CELF2: variants seen among roughly 807,000 people sequenced by gnomAD.
CELF2 encodes the protein CUG triplet repeat RNA-binding protein 2.
Under a neutral mutation model 62.6 loss-of-function variants are expected in CELF2, and 8 were observed. The ratio of observed to expected loss-of-function variants is 0.13; its 90% CI spans 0.07 to 0.23. The LOEUF is 0.23. Ranked by LOEUF, CELF2 falls within the 10% of genes least tolerant of loss-of-function variation. The probability of loss-of-function intolerance (pLI) is 1.00; values close to 1 mark genes in which losing one functional copy is unlikely to be tolerated. For missense variants in CELF2, 333 were observed against 671.0 expected (o/e 0.50, Z 5.56); for synonymous variants, 258 against 250.0 (o/e 1.03, Z -0.30).
chr10:10,885,428 C>T (rs2061690533), intron 1 of CELF2, among the ~76,000 whole-genome samples: 1 of 151,370 alleles, frequency 6.6e-6, no homozygotes, highest in Non-Finnish European at 1.5e-5. Context: ...AGAATCTAGG[C>T]TCCAGATTAG....
the CELF2 span, among the ~76,000 whole-genome samples, chr10:10,486,859 A>G: frequency 6.6e-6 from 1 of 152,186 alleles, no homozygotes; most frequent in Non-Finnish European, 1.5e-5. Context: ...ATGATGATGG[A>G]GAAGACTCAG....
At chr10:10,968,504 A>G (rs1485121898) in intron 2 of CELF2, among the ~76,000 whole-genome samples, 1 of 152,180 alleles carries the variant, frequency 6.6e-6, no homozygotes, top group East Asian at 1.9e-4. Flanking sequence ...CTAAAACCCA[A>G]TGAGTATTGT....
rs570615438 is a variant in CELF2 at position 10,974,751 on chromosome 10, A to G, written c.89+54752A>G. On this transcript the variant is annotated intron_variant, in intron 2 of 13. Transcript: ENST00000636488. ...CCCACCTCTCAACTATGGTATCGAAATTAAGTATATACCATCTTAGACACA... is the reference window on the plus strand; with the variant it reads ...CCCACCTCTCAACTATGGTATCGAAGTTAAGTATATACCATCTTAGACACA... 6.6e-4 allele frequency among the ~76,000 whole-genome samples: 101 copies of G among 152,344 alleles called. 2 individuals carry two copies. The South Asian group carries it at 0.021, about 31-fold the overall frequency.
At position 11,246,498 on chromosome 10, in the gene CELF2, C is replaced by T. The variant is rs531084826; in HGVS notation, c.355-2655C>T. The stretch of plus-strand genomic sequence containing the variant: ...CTCCTTTCCCCTCTACTTCCCATGA[C>T]CAGTTGTTCACTGCCCCTCCACAGA... On this transcript the variant is annotated intron_variant, in intron 3 of 12. Coordinates refer to ENST00000633077, the MANE Select transcript of CELF2 (RefSeq NM_001326342.2). The surrounding 1 kb of genome is among the most constrained non-coding windows in gnomAD (Gnocchi z 4.6). 6.6e-6 allele frequency among the ~76,000 whole-genome samples: 1 copy of T among 152,294 alleles called. No homozygotes were observed. Among genetic ancestry groups the T allele is most frequent in the Non-Finnish European group, 1.5e-5 (1 of 68,032 alleles).
the CELF2 span, among the ~76,000 whole-genome samples, chr10:10,610,814 A>G: frequency 6.6e-6 from 1 of 152,226 alleles, no homozygotes; most frequent in Non-Finnish European, 1.5e-5. Context: ...TCATTTTTAG[A>G]CCAGTTATAG....
rs1401755451 is a variant in CELF2 at position 11,206,330 on chromosome 10, T to C, written c.272-11095T>C. ...AAAATAGATGTGATTCTAACCTACC[T>C]CTCATTGCCACTAGCCTCCTAATTA... On this transcript the variant is annotated intron_variant, in intron 2 of 12. Coordinates refer to ENST00000633077, the MANE Select transcript of CELF2 (RefSeq NM_001326342.2). 1.3e-5 allele frequency among the ~76,000 whole-genome samples: 2 copies of C among 152,216 alleles called. 1 individual carries two copies. Among genetic ancestry groups the C allele is most frequent in the African/African-American group, 4.8e-5 (2 of 41,446 alleles).
chr10:10,608,507 G>A, the CELF2 span, among the ~76,000 whole-genome samples: 21,246 of 152,134 alleles, frequency 0.14, 1,801 homozygotes, highest in Non-Finnish European at 0.2. Context: ...GAACTTGTGG[G>A]CTTGGATAGC....
chr10:10,776,180 A>C, the CELF2 span: 1 of 153,356 alleles, frequency 6.5e-6, no homozygotes, highest in African/African-American at 2.4e-5. Flanking sequence ...GAAGTTCAGT[A>C]GCTGTAAAAA....
chr10:11,231,249 A>G (rs147133148), intron 3 of CELF2, among the ~76,000 whole-genome samples: 2 of 152,348 alleles, frequency 1.3e-5, no homozygotes, highest in Admixed American at 6.5e-5. Flanking sequence ...TACAACAAAC[A>G]TCCTGGATTG....
chr10:10,876,062 G>A (rs1044568934), intron 1 of CELF2, among the ~76,000 whole-genome samples: 3 of 152,188 alleles, frequency 2.0e-5, no homozygotes, highest in Non-Finnish European at 2.9e-5. Context: ...CCATCCCAAA[G>A]TGTTGTCATT....
chr10:10,978,801 C>T (rs1483017622), intron 2 of CELF2, among the ~76,000 whole-genome samples: 1 of 152,086 alleles, frequency 6.6e-6, no homozygotes, highest in African/African-American at 2.4e-5. Context: ...CTTTGAAAAC[C>T]CAGTGTCAAA....
At position 11,072,555 on chromosome 10, in the gene CELF2, A is replaced by G. The variant is rs1177375551; in HGVS notation, c.74+54392A>G. Among the ~76,000 whole-genome samples the G allele has an allele frequency of 3.9e-5, 6 of 152,320 alleles. No homozygotes were observed. The South Asian group carries it at 8.3e-4, about 21-fold the overall frequency. ...CCGTTCTTTGACAGCCTCTTTGAGC[A>G]TAAGAGACTCTGGGTAACATAGCAG... On this transcript the variant is annotated intron_variant, in intron 1 of 12. Coordinates refer to ENST00000633077, the MANE Select transcript of CELF2 (RefSeq NM_001326342.2).
In CELF2 at chr10:11,019,198, C is replaced by CTTTT. The variant is rs903018077; in HGVS notation, c.74+1035_74+1036insTTTT. Reference sequence around the variant, plus strand: ...TTTCAGGCATGTTAGGAAAAGGAAACCTAAAAAGAGAGAAAAGATTGCCAG... The same window carrying CTTTT: ...TTTCAGGCATGTTAGGAAAAGGAAACTTTTCTAAAAAGAGAGAAAAGATTGCCAG... On this transcript the variant is annotated intron_variant, in intron 1 of 12. Transcript: ENST00000633077. Among the ~76,000 whole-genome samples the CTTTT allele has an allele frequency of 2.6e-4, 39 of 152,078 alleles. 1 individual carries two copies. The highest frequency in any genetic ancestry group is 3.2e-3 in the Middle Eastern group (1 of 316).
the CELF2 span, among the ~76,000 whole-genome samples, chr10:10,558,475 A>T: frequency 6.6e-6 from 1 of 152,114 alleles, no homozygotes; most frequent in South Asian, 2.1e-4. Flanking sequence ...ATGTTCATCA[A>T]GGATATTGGC....
chr10:10,827,381 G>A (rs994152800), intron 1 of CELF2, among the ~76,000 whole-genome samples: 2 of 152,142 alleles, frequency 1.3e-5, no homozygotes, highest in East Asian at 1.9e-4. Context: ...GTCTCCTTCT[G>A]AGGATAAGTA....
intron 1 of CELF2, among the ~76,000 whole-genome samples, chr10:11,140,306 T>TC (rs1253063469): frequency 6.6e-6 from 1 of 152,166 alleles, no homozygotes; most frequent in African/African-American, 2.4e-5. Context: ...AGTAGCGCAA[T>TC]CATAGCTCAC....
At chr10:11,313,882 A>C (rs2094732234) in intron 9 of CELF2, among the ~76,000 whole-genome samples, 1 of 152,094 alleles carries the variant, frequency 6.6e-6, no homozygotes, top group African/African-American at 2.4e-5. Context: ...CTGGCAGGGC[A>C]GGCCTCCCAT....
chr10:11,169,529 A>G (rs1260866211), intron 2 of CELF2, among the ~76,000 whole-genome samples: 1 of 150,548 alleles, frequency 6.6e-6, no homozygotes, highest in Non-Finnish European at 1.5e-5. Context: ...GAATTCTCCC[A>G]CAGTTCAGAG....
the CELF2 span, among the ~76,000 whole-genome samples, chr10:10,583,315 G>T: frequency 2.0e-5 from 3 of 152,074 alleles, no homozygotes; most frequent in African/African-American, 7.2e-5. Context: ...TGTGTCCTCA[G>T]GGCATTTTCT....
Sources: allele counts gnomAD v4.1 joint callset (sites outside exome capture counted in the v4.1 genomes callset), GRCh38; gene constraint gnomAD v4.1.1; non-coding constraint Gnocchi (gnomAD v3.1); transcripts MANE v1.5; gene names NCBI Gene and HGNC (gene_info 2026-07-23, HGNC 2026-07-21).